ZNF330: variants seen among roughly 807,000 people sequenced by gnomAD.
ZNF330 encodes the protein zinc finger protein 330.
A neutral mutation model predicts 45.5 loss-of-function variants in ZNF330; 31 were observed. The ratio of observed to expected loss-of-function variants is 0.68; its 90% CI spans 0.51 to 0.92. ZNF330 has a LOEUF of 0.92. Ranked by LOEUF, ZNF330 falls within the 40% of genes least tolerant of loss-of-function variation. The pLI is 0.00. For missense variants in ZNF330, 356 were observed against 387.4 expected, an observed-to-expected ratio of 0.92 and a Z score of 0.68; for synonymous variants, 138 against 123.2, an observed-to-expected ratio of 1.12 and a Z score of -0.79.
chr4:141,223,523 G>A (rs1359849783), intron 2 of ZNF330, among the ~76,000 whole-genome samples: 1 of 152,084 alleles, frequency 6.6e-6, no homozygotes, highest in Non-Finnish European at 1.5e-5. Context: ...ATCACATATT[G>A]TGCCTCAGAG....
chr4:141,223,648 T>A (rs1007228857), intron 2 of ZNF330: 1 of 436,542 alleles, frequency 2.3e-6, no homozygotes, highest in Middle Eastern at 3.4e-4. Flanking sequence ...AGTGAGGCTG[T>A]CTTCTGTGTT....
At chr4:141,223,583 C>A (rs1053260695) in intron 2 of ZNF330, among the ~76,000 whole-genome samples, 6 of 152,200 alleles carry the variant, frequency 3.9e-5, no homozygotes, top group African/African-American at 1.4e-4. Flanking sequence ...TGTCCCAGGG[C>A]TAACATTTAT....
chr4:141,230,275 G>A lies in ZNF330; in HGVS notation c.523+5G>A. ...TAGAGGCAGAAACATTTAAATGTAA[G>A]TTTTTAAGTATTAGATGTTCTTTAT... On this transcript the variant is annotated splice_donor_5th_base_variant and intron_variant, in intron 7 of 9. Transcript: ENST00000262990. The A allele has an allele frequency of 6.4e-7, 1 of 1,574,146 alleles. No homozygotes were observed. The highest frequency in any genetic ancestry group is 8.7e-7 in the Non-Finnish European group (1 of 1,147,690).
rs1449985497 is a variant in ZNF330 at position 141,234,166 on chromosome 4, T to C, written c.*177T>C. The C allele has an allele frequency of 1.7e-6, 2 of 1,202,702 alleles. No homozygotes were observed. Among genetic ancestry groups the C allele is most frequent in the Admixed American group, 3.5e-5 (1 of 28,772 alleles). 74.5% of individuals were successfully genotyped at this position (1,202,702 alleles called of 1,614,324 possible). On this transcript the variant is annotated 3_prime_UTR_variant, in exon 10 of 10. Coordinates refer to ENST00000262990, the MANE Select transcript of ZNF330 (RefSeq NM_014487.6). ...TTTATAGAACTGATAATCAGGCTTA[T>C]GGCATAAGAAAAATGAGTTTCAAAT...
At chr4:141,233,338 T>C (rs1414450992) in intron 9 of ZNF330, among the ~76,000 whole-genome samples, 2 of 152,158 alleles carry the variant, frequency 1.3e-5, no homozygotes, top group African/African-American at 2.4e-5. Flanking sequence ...GGCTTTGTTT[T>C]TAAGGGCATC....
intron 1 of ZNF330, among the ~76,000 whole-genome samples, chr4:141,222,125 T>G (rs1315026123): frequency 1.3e-5 from 2 of 152,160 alleles, no homozygotes; most frequent in African/African-American, 4.8e-5. Flanking sequence ...TAGGGTAAAT[T>G]TTTTTGACGT....
chr4:141,230,516 T>C (rs548413168), intron 7 of ZNF330, among the ~76,000 whole-genome samples: 2 of 152,224 alleles, frequency 1.3e-5, no homozygotes, highest in African/African-American at 2.4e-5. Context: ...TGATCAGGCA[T>C]TGCAGGACTT....
intron 5 of ZNF330, among the ~76,000 whole-genome samples, chr4:141,228,633 C>T (rs1245507156): frequency 6.6e-6 from 1 of 152,082 alleles, no homozygotes; most frequent in Admixed American, 6.5e-5. Flanking sequence ...TTTGCAAGAA[C>T]CCTGGCTGAT....
At chr4:141,224,409 G>A (rs1163374752) in intron 2 of ZNF330, 78 bp from the exon 3 acceptor site, 1 of 1,369,502 alleles carries the variant, frequency 7.3e-7, no homozygotes, top group African/African-American at 1.5e-5. Flanking sequence ...CTGAAAAGCA[G>A]GTTATTCTTT....
chr4:141,221,636 GT>G (rs140677133), intron 1 of ZNF330, among the ~76,000 whole-genome samples: 6 of 147,494 alleles, frequency 4.1e-5, no homozygotes, highest in East Asian at 4.0e-4. Context: ...CACCTGTTTT[GT>G]TTTTTTTTTA....
chr4:141,225,444 C>T (rs563414017), intron 4 of ZNF330, among the ~76,000 whole-genome samples: 5 of 152,002 alleles, frequency 3.3e-5, no homozygotes, highest in African/African-American at 1.2e-4. Flanking sequence ...GTTCTGAAGA[C>T]TTGCAACAAA....
intron 1 of ZNF330, 137 bp from the exon 2 acceptor site, chr4:141,222,229 A>G: frequency 9.9e-7 from 1 of 1,007,678 alleles, no homozygotes. Flanking sequence ...AAGGCTTAGA[A>G]TGTGCTTAAC....
chr4:141,230,109 G>A (rs1578812538), intron 6 of ZNF330, 57 bp from the exon 7 acceptor site: 3 of 1,240,970 alleles, frequency 2.4e-6, no homozygotes, highest in African/African-American at 3.0e-5. Context: ...TTATAGATAT[G>A]AGTTTTTTTA....
chr4:141,228,966 A>T (rs1199897422), intron 5 of ZNF330, among the ~76,000 whole-genome samples: 1 of 152,088 alleles, frequency 6.6e-6, no homozygotes, highest in Non-Finnish European at 1.5e-5. Context: ...TTTTCTTGAT[A>T]TAGAATTGGA....
intron 4 of ZNF330, among the ~76,000 whole-genome samples, chr4:141,225,670 G>A (rs1728786143): frequency 6.6e-6 from 1 of 151,924 alleles, no homozygotes; most frequent in South Asian, 2.1e-4. Context: ...AGCTTTCAAA[G>A]AAGATCTTTT....
At chr4:141,230,876 T>C (rs1728935526) in intron 7 of ZNF330, among the ~76,000 whole-genome samples, 1 of 152,078 alleles carries the variant, frequency 6.6e-6, no homozygotes, top group South Asian at 2.1e-4. Context: ...TTACACATAG[T>C]TTTTTTCTTG....
rs116014367 is a variant in ZNF330 at position 141,225,676 on chromosome 4, C to G, written c.211+999C>G. ...TGTAGTTCTAGCTTTCAAAGAAGATCTTTTCAATTCCACAATTAATGAAAA... is the reference window on the plus strand; with the variant it reads ...TGTAGTTCTAGCTTTCAAAGAAGATGTTTTCAATTCCACAATTAATGAAAA... On this transcript the variant is annotated intron_variant, in intron 4 of 9. Transcript: ENST00000262990. Among the ~76,000 whole-genome samples the G allele has an allele frequency of 6.6e-3, 1,009 of 152,184 alleles. 12 individuals carry two copies. Among genetic ancestry groups the G allele is most frequent in the African/African-American group, 0.023 (941 of 41,538 alleles).
In ZNF330 at chr4:141,232,510, G is replaced by C; in HGVS notation, c.571-15G>C. ...CATTTTTATTTATTTACTTTATTTT[G>C]CTTCTCCTATACAGGCTTGTTTCTG... On this transcript the variant is annotated splice_polypyrimidine_tract_variant and intron_variant, in intron 8 of 9. Coordinates refer to ENST00000262990, the MANE Select transcript of ZNF330 (RefSeq NM_014487.6). 7.2e-7 allele frequency: 1 copy of C among 1,392,284 alleles called. No homozygotes were observed. Among genetic ancestry groups the C allele is most frequent in the Non-Finnish European group, 9.7e-7 (1 of 1,033,666 alleles). 86.2% of individuals were successfully genotyped at this position (1,392,284 alleles called of 1,614,324 possible).
chr4:141,224,295 C>A (rs576084244), intron 2 of ZNF330, among the ~76,000 whole-genome samples, 192 bp from the exon 3 acceptor site: 1 of 152,110 alleles, frequency 6.6e-6, no homozygotes. Context: ...GAATCATATA[C>A]CCGGAGTATC....
Sources: allele counts gnomAD v4.1 joint callset (sites outside exome capture counted in the v4.1 genomes callset), GRCh38; gene constraint gnomAD v4.1.1; transcripts MANE v1.5; gene names NCBI Gene and HGNC (gene_info 2026-07-23, HGNC 2026-07-21).